The following MGMT variants were observed in gnomAD, a reference collection of about 807,000 sequenced individuals.
The protein encoded by MGMT is methylated-DNA--protein-cysteine methyltransferase.
Under a neutral mutation model 15.9 loss-of-function variants are expected in MGMT, and 14 were observed. The observed-to-expected ratio is 0.88, with a 90% CI of 0.58 to 1.37. MGMT has a LOEUF of 1.37. Ranked by LOEUF, MGMT falls within the 40% of genes most tolerant of loss-of-function variation. The pLI, the probability that MGMT is intolerant of heterozygous loss-of-function variation, is 0.00. For synonymous variants in MGMT, 130 were observed against 118.2 expected (o/e 1.10, Z -0.65); for missense variants, 282 against 268.1 (o/e 1.05, Z -0.36).
In MGMT at chr10:129,478,435, G is replaced by T. The variant is rs140038998; in HGVS notation, c.-13+11139G>T. Among the ~76,000 whole-genome samples, 325 of 152,342 alleles carry T rather than the reference G, an allele frequency of 2.1e-3. 4 individuals carry two copies. The highest frequency in any genetic ancestry group is 0.017 in the Admixed American group (267 of 15,308). The stretch of plus-strand genomic sequence containing the variant: ...CCTTGCAAGACATTTCTTGCTGAAA[G>T]CCCCGCTGGCCCACACCTCACCAAA... On this transcript the variant is annotated intron_variant, in intron 1 of 4. Transcript: ENST00000651593.
At chr10:129,513,238 G>C (rs577113546) in intron 1 of MGMT, among the ~76,000 whole-genome samples, 1 of 151,544 alleles carries the variant, frequency 6.6e-6, no homozygotes, top group Non-Finnish European at 1.5e-5. Context: ...GTGCTGGGGG[G>C]TGGGGAGAGC....
At chr10:129,754,504 C>T (rs568304008) in intron 3 of MGMT, among the ~76,000 whole-genome samples, 26 of 152,308 alleles carry the variant, frequency 1.7e-4, no homozygotes, top group African/African-American at 5.8e-4. Flanking sequence ...GAGGAGCTGA[C>T]GTTCAAGGGC....
chr10:129,744,545 C>G (rs1366928630), intron 3 of MGMT, among the ~76,000 whole-genome samples: 1 of 152,254 alleles, frequency 6.6e-6, no homozygotes, highest in Admixed American at 6.5e-5. Flanking sequence ...AGCACCTTCC[C>G]CCTGCTGTGA....
chr10:129,707,499 G>A (rs55688421), intron 2 of MGMT, among the ~76,000 whole-genome samples: 73 of 152,290 alleles, frequency 4.8e-4, no homozygotes, highest in African/African-American at 1.5e-3. Context: ...GTGGCCTTGC[G>A]TTGTTGGACT....
At chr10:129,531,787 G>GT (rs1486632983) in intron 1 of MGMT, among the ~76,000 whole-genome samples, 1 of 56,976 alleles carries the variant, frequency 1.8e-5, no homozygotes, top group African/African-American at 4.1e-5. Flanking sequence ...GGTGGGGGTG[G>GT]GGGGGGGTGG....
chr10:129,718,341 C>T (rs907611190), intron 3 of MGMT, among the ~76,000 whole-genome samples: 4 of 152,176 alleles, frequency 2.6e-5, no homozygotes, highest in Admixed American at 1.3e-4. Context: ...CCAGCAGCTC[C>T]GTCTGATCGT....
In MGMT at chr10:129,535,034, ACAGGTG is replaced by A. The variant is rs1283088168; in HGVS notation, c.-12-1203_-12-1198del. On this transcript the variant is annotated intron_variant, in intron 1 of 4. Transcript: ENST00000651593. Reference sequence around the variant, plus strand: ...TCTCAATAAAACTTTATTTACAAAGACAGGTGCAGTGAGTGAGCTTTGCCCCACAGG... The same window carrying A: ...TCTCAATAAAACTTTATTTACAAAGACAGTGAGTGAGCTTTGCCCCACAGG... Among the ~76,000 whole-genome samples the A allele has an allele frequency of 5.3e-5, 8 of 152,210 alleles. 1 individual carries two copies. Among genetic ancestry groups the A allele is most frequent in the African/African-American group, 1.9e-4 (8 of 41,458 alleles).
chr10:129,646,883 C>A (rs892064080), intron 2 of MGMT, among the ~76,000 whole-genome samples: 1 of 151,024 alleles, frequency 6.6e-6, no homozygotes, highest in Non-Finnish European at 1.5e-5. Flanking sequence ...GAAGGACAGG[C>A]GTGGCAGGCT....
intron 2 of MGMT, among the ~76,000 whole-genome samples, chr10:129,610,016 A>T (rs1846941229): frequency 6.6e-6 from 1 of 152,224 alleles, no homozygotes; most frequent in African/African-American, 2.4e-5. Flanking sequence ...AGCTTTAGGC[A>T]GACACTGAGA....
intron 2 of MGMT, among the ~76,000 whole-genome samples, chr10:129,689,637 G>A (rs139430075): frequency 4.3e-4 from 66 of 152,288 alleles, no homozygotes; most frequent in African/African-American, 1.5e-3. Context: ...TTGTTTTCTT[G>A]GTCGATTGTG....
chr10:129,523,194 C>T (rs1422436654), intron 1 of MGMT, among the ~76,000 whole-genome samples: 5 of 152,190 alleles, frequency 3.3e-5, no homozygotes, highest in Non-Finnish European at 4.4e-5. Context: ...GTGAGATGTG[C>T]GACCCGGCGG....
intron 2 of MGMT, among the ~76,000 whole-genome samples, chr10:129,649,318 A>G (rs570936911): frequency 6.6e-6 from 1 of 152,226 alleles, no homozygotes; most frequent in East Asian, 1.9e-4. Flanking sequence ...TGATTGATGT[A>G]CATTCTGTGT....
At chr10:129,658,551 T>C (rs1172130422) in intron 2 of MGMT, among the ~76,000 whole-genome samples, 1 of 152,162 alleles carries the variant, frequency 6.6e-6, no homozygotes, top group Non-Finnish European at 1.5e-5. Context: ...CGTCAGTGAG[T>C]TTTTCACATA....
At chr10:129,755,554 T>TC (rs1440206298) in intron 3 of MGMT, among the ~76,000 whole-genome samples, 3 of 152,186 alleles carry the variant, frequency 2.0e-5, no homozygotes, top group African/African-American at 2.4e-5. Context: ...GGATGCCCCT[T>TC]CCCCCCAGGA....
chr10:129,591,060 G>C (rs1255314166), intron 2 of MGMT, among the ~76,000 whole-genome samples: 2 of 152,216 alleles, frequency 1.3e-5, no homozygotes, highest in African/African-American at 4.8e-5. Flanking sequence ...GCAAGCACCT[G>C]TGGCAGCTGG....
chr10:129,547,427 T>G (rs981087147), intron 2 of MGMT, among the ~76,000 whole-genome samples: 3 of 152,116 alleles, frequency 2.0e-5, no homozygotes, highest in Admixed American at 2.0e-4. Flanking sequence ...TATTTAAAAG[T>G]AGAAAGGCTT....
intron 2 of MGMT, among the ~76,000 whole-genome samples, chr10:129,625,528 T>C (rs536205264): frequency 6.6e-6 from 1 of 152,306 alleles, no homozygotes; most frequent in Non-Finnish European, 1.5e-5. Context: ...TCCAGTGGGG[T>C]TTATTCCATT....
At chr10:129,521,508 A>G (rs993107850) in intron 1 of MGMT, among the ~76,000 whole-genome samples, 2 of 152,194 alleles carry the variant, frequency 1.3e-5, no homozygotes, top group East Asian at 3.9e-4. Flanking sequence ...CAGAGAGGGA[A>G]CCTCTGGCAG....
At chr10:129,694,877 C>T (rs1848012404) in intron 2 of MGMT, among the ~76,000 whole-genome samples, 1 of 152,272 alleles carries the variant, frequency 6.6e-6, no homozygotes, top group South Asian at 2.1e-4. Context: ...TCAGTGCCAG[C>T]GACGACACTT....
Sources: allele counts gnomAD v4.1 joint callset (sites outside exome capture counted in the v4.1 genomes callset), GRCh38; gene constraint gnomAD v4.1.1; transcripts MANE v1.5; gene names NCBI Gene and HGNC (gene_info 2026-07-23, HGNC 2026-07-21).